Variants in PUS3 observed in about 807,000 individuals in gnomAD.
PUS3 encodes the protein pseudouridine synthase 3.
Under a neutral mutation model 43.3 loss-of-function variants are expected in PUS3, and 36 were observed. The ratio of observed to expected loss-of-function variants is 0.83; its 90% CI spans 0.64 to 1.10. PUS3 has a LOEUF of 1.10. Ranked by LOEUF, PUS3 falls within the 50% of genes least tolerant of loss-of-function variation. PUS3 has a pLI of 0.00. For synonymous variants in PUS3, 183 were observed against 199.2 expected (o/e 0.92, Z 0.69); for missense variants, 544 against 589.9 (o/e 0.92, Z 0.81).
At position 125,893,968 on chromosome 11, in the gene PUS3, T is replaced by C; in HGVS notation, c.1263A>G (p.Gln421=). The change falls in exon 4 of 4, where the codon CAA becomes CAG. Residue 421 remains glutamine (Q), a synonymous_variant. Coordinates refer to ENST00000227474, the MANE Select transcript of PUS3 (RefSeq NM_031307.4). ...YKPLMDRPKC[Q]GLESRIQHFV... Reference sequence around the variant, plus strand: ...AATGCTGGATCCGGGATTCCAGTCCTTGGCATTTAGGACGGTCCATGAGGG... The same window carrying C: ...AATGCTGGATCCGGGATTCCAGTCCCTGGCATTTAGGACGGTCCATGAGGG... 2 of 1,614,202 alleles carry C rather than the reference T, an allele frequency of 1.2e-6. No homozygotes were observed. The highest frequency in any genetic ancestry group is 1.7e-6 in the Non-Finnish European group (2 of 1,180,032).
intron 3 of PUS3, 49 bp downstream of exon 3, chr11:125,895,175 G>C (rs1944542332): frequency 6.9e-6 from 10 of 1,452,736 alleles, no homozygotes; most frequent in African/African-American, 2.8e-5. Context: ...AGCGTCCCGA[G>C]TAGCTGGGAC....
Position 125,894,251 on chromosome 11 carries a change from C to G in PUS3, c.980G>C (p.Cys327Ser). 1 of 1,612,386 alleles carries G rather than the reference C, an allele frequency of 6.2e-7. No individual in the cohort carries two copies. Among genetic ancestry groups the G allele is most frequent in the Non-Finnish European group, 8.5e-7 (1 of 1,178,606 alleles). Residue 327 changes from cysteine (C) to serine (S), a missense_variant, in exon 4 of 4, where the codon TGT (cysteine) becomes TCT (serine). Transcript: ENST00000227474. The part of the protein sequence containing the change: ...AVEFPLVLYD[C>S]KFENVKWIYD... ...GATCCACTTGACATTTTCAAACTTACAGTCATATAAGACTAGAGGAAATTC... is the reference window on the plus strand; with the variant it reads ...GATCCACTTGACATTTTCAAACTTAGAGTCATATAAGACTAGAGGAAATTC...
Position 125,899,459 on chromosome 11 carries a change from T to C in PUS3, c.-46-3129A>G, listed in dbSNP as rs667782. The C allele has an allele frequency of 0.26, 414,063 of 1,613,848 alleles. 54,563 individuals carry two copies. The highest frequency in any genetic ancestry group is 0.37 in the South Asian group (33,911 of 91,066). On this transcript the variant is annotated intron_variant, in intron 1 of 3. Transcript: ENST00000227474. ...AGCTGCTACAGCTTTTACCCACATC[T>C]GTGCAGGGCAGGGTGAAGGAGATGT...
chr11:125,899,706 C>T (rs746276069), intron 1 of PUS3: 9 of 1,613,912 alleles, frequency 5.6e-6, no homozygotes, highest in African/African-American at 2.7e-5. Context: ...ACAGATGAGT[C>T]GATTATCAGT....
intron 1 of PUS3, among the ~76,000 whole-genome samples, chr11:125,901,884 C>T (rs1944781568): frequency 6.6e-6 from 1 of 152,132 alleles, no homozygotes; most frequent in South Asian, 2.1e-4. Flanking sequence ...TCAGTACACA[C>T]AGGGAAAGAT....
At position 125,893,924 on chromosome 11, in the gene PUS3, A is replaced by G. The variant is rs753765987; in HGVS notation, c.1307T>C (p.Ile436Thr). ...CTCATGGAATAAATGTGGGTGCTCA[A>G]TTCGTCCCCTACGTACAAAATGCTG... ...RIQHFVRRGR[I>T]EHPHLFHEEE... Residue 436 changes from isoleucine (I) to threonine (T), a missense_variant, in exon 4 of 4, where the codon ATT (isoleucine) becomes ACT (threonine). Transcript: ENST00000227474. 5.6e-6 allele frequency: 9 copies of G among 1,614,148 alleles called. No homozygotes were observed. In the East Asian group the frequency reaches 1.3e-4, roughly 24 times the overall value.
At chr11:125,902,008 G>A (rs555975635) in intron 1 of PUS3, among the ~76,000 whole-genome samples, 5 of 152,260 alleles carry the variant, frequency 3.3e-5, no homozygotes, top group South Asian at 4.2e-4. Context: ...TGATTATTTG[G>A]ATCTCAAAGT....
chr11:125,899,680 T>G, intron 1 of PUS3: 1 of 1,614,128 alleles, frequency 6.2e-7, no homozygotes, highest in Non-Finnish European at 8.5e-7. Flanking sequence ...GAAAGCCAGA[T>G]GGGGAAGTAT....
chr11:125,899,169 C>A, intron 1 of PUS3: 1 of 582,186 alleles, frequency 1.7e-6, no homozygotes, highest in Non-Finnish European at 3.0e-6. Context: ...GTAATAGATT[C>A]CCTAGAACTG....
Position 125,895,484 on chromosome 11 carries a change from C to A in PUS3, c.684G>T (p.Met228Ile), listed in dbSNP as rs150075002. 1.7e-5 allele frequency: 27 copies of A among 1,614,056 alleles called. No homozygotes were observed. The highest frequency in any genetic ancestry group is 2.2e-5 in the Non-Finnish European group (26 of 1,180,050). The change falls in exon 3 of 4, where the codon ATG becomes ATT. Residue 228 changes from methionine to isoleucine, a missense_variant. Physicochemically the swap from Met to Ile is conservative, Grantham distance 10. Transcript: ENST00000227474. Reference sequence around the variant, plus strand: ...AATTAATCACACCGTTGGCTACATCCATTTTACACAAGTTCCTGAAATCAT... The same window carrying A: ...AATTAATCACACCGTTGGCTACATCAATTTTACACAAGTTCCTGAAATCAT... ...GTHDFRNLCK[M>I]DVANGVINFQ...
intron 1 of PUS3, among the ~76,000 whole-genome samples, chr11:125,896,549 T>G (rs964761545): frequency 6.6e-6 from 1 of 152,220 alleles, no homozygotes; most frequent in Non-Finnish European, 1.5e-5. Flanking sequence ...TATTCAGTTG[T>G]CATTATTAAG....
In PUS3 at chr11:125,894,296, AAG is replaced by A. The variant is rs765051310; in HGVS notation, c.945-12_945-11del. 2 of 1,579,178 alleles carry A rather than the reference AAG, an allele frequency of 1.3e-6. No individual in the cohort carries two copies. Among genetic ancestry groups the A allele is most frequent in the Admixed American group, 1.8e-5 (1 of 55,836 alleles). Reference sequence around the variant, plus strand: ...AAATTCTACAGCCATACTAGAGAAAAAGAGAAAAGAAAGTTTGAGAATACATA... The same window carrying A: ...AAATTCTACAGCCATACTAGAGAAAAAGAAAAGAAAGTTTGAGAATACATA... On this transcript the variant is annotated splice_polypyrimidine_tract_variant and intron_variant, in intron 3 of 3. Coordinates refer to ENST00000227474, the MANE Select transcript of PUS3 (RefSeq NM_031307.4).
Position 125,896,339 on chromosome 11 carries a change from A to C in PUS3, c.-46-9T>G. ...ATACAGGTCTGCCCTGTCTGAAAAG[A>C]GAGCAAAGGGATACAACAGTTTCAA... On this transcript the variant is annotated splice_polypyrimidine_tract_variant and intron_variant, in intron 1 of 3. Coordinates refer to ENST00000227474, the MANE Select transcript of PUS3 (RefSeq NM_031307.4). 1 of 1,495,550 alleles carries C rather than the reference A, an allele frequency of 6.7e-7. No individual in the cohort carries two copies. 92.6% of individuals were successfully genotyped at this position (1,495,550 alleles called of 1,614,324 possible).
chr11:125,899,666 C>T lies in PUS3; in HGVS notation c.-46-3336G>A, dbSNP rs374420210. 5.5e-5 allele frequency: 89 copies of T among 1,613,988 alleles called. No individual in the cohort carries two copies. The highest frequency in any genetic ancestry group is 3.3e-5 in the Admixed American group (2 of 59,998). The stretch of plus-strand genomic sequence containing the variant: ...GCCAGTGATGAAGAGAAAGGTGCTG[C>T]GCAGAAAGCCAGATGGGGAAGTATT... On this transcript the variant is annotated intron_variant, in intron 1 of 3. Transcript: ENST00000227474.
At chr11:125,896,355 A>G (rs1565454541) in intron 1 of PUS3, 25 bp from the exon 2 acceptor site, 9 of 1,402,540 alleles carry the variant, frequency 6.4e-6, no homozygotes, top group South Asian at 1.4e-5. Context: ...AAGGGATACA[A>G]CAGTTTCAAT....
chr11:125,898,536 G>A (rs989047066), intron 1 of PUS3, among the ~76,000 whole-genome samples: 24 of 152,172 alleles, frequency 1.6e-4, no homozygotes, highest in Non-Finnish European at 2.5e-4. Flanking sequence ...TTAGCCAGGC[G>A]TGGTGGCCCA....
chr11:125,895,612 C>T lies in PUS3; in HGVS notation c.556G>A (p.Ala186Thr). 6.2e-7 allele frequency: 1 copy of T among 1,614,242 alleles called. No individual in the cohort carries two copies. The highest frequency in any genetic ancestry group is 8.5e-7 in the Non-Finnish European group (1 of 1,180,032). Residue 186 changes from alanine to threonine, a missense_variant, in exon 3 of 4, where the codon GCT becomes ACT. Transcript: ENST00000227474. The part of the protein sequence containing the change: ...AWAPVEPSFS[A>T]RFSCLERTYR... ...GTCCGCTCAAGGCAGCTGAACCTAG[C>T]ACTGAAGCTTGGTTCTACAGGGGCC...
chr11:125,900,191 C>G (rs1483571381), intron 1 of PUS3: 4 of 1,614,106 alleles, frequency 2.5e-6, no homozygotes, highest in Non-Finnish European at 3.4e-6. Context: ...AAGGTCTGCA[C>G]TCCGTTGGGG....
chr11:125,899,417 G>C, intron 1 of PUS3: 1 of 1,614,222 alleles, frequency 6.2e-7, no homozygotes, highest in Non-Finnish European at 8.5e-7. Context: ...TATGGATCCA[G>C]AAGAACGAAT....
Sources: allele counts gnomAD v4.1 joint callset (sites outside exome capture counted in the v4.1 genomes callset), GRCh38; gene constraint gnomAD v4.1.1; transcripts MANE v1.5; gene names NCBI Gene and HGNC (gene_info 2026-07-23, HGNC 2026-07-21).